PRKG1: variants seen among roughly 807,000 people sequenced by gnomAD.
PRKG1 encodes the protein cGMP-dependent protein kinase 1.
A neutral mutation model predicts 88.1 loss-of-function variants in PRKG1; 35 were observed. That is an observed-to-expected ratio of 0.40 (90% CI 0.30 to 0.53). The LOEUF (loss-of-function observed/expected upper bound fraction) is 0.53, where lower values mean the gene tolerates loss of function less well. Among genes scored for constraint, PRKG1 ranks in the 20% least tolerant of loss-of-function variants. The probability of loss-of-function intolerance (pLI) is 0.59; values close to 1 mark genes in which losing one functional copy is unlikely to be tolerated. For missense variants in PRKG1, 540 were observed against 839.8 expected (o/e 0.64, Z 4.41); for synonymous variants, 303 against 292.5 (o/e 1.04, Z -0.37).
At chr10:52,137,597 T>A (rs1178483415) in intron 8 of PRKG1, among the ~76,000 whole-genome samples, 1 of 152,160 alleles carries the variant, frequency 6.6e-6, no homozygotes, top group Non-Finnish European at 1.5e-5. Context: ...TATTTGCATA[T>A]AACCTATGCA....
chr10:51,384,806 C>T (rs974652719), intron 2 of PRKG1, among the ~76,000 whole-genome samples: 3 of 152,066 alleles, frequency 2.0e-5, no homozygotes, highest in Non-Finnish European at 2.9e-5. Context: ...TGGAATTCCC[C>T]GTAGCTCTTA....
intron 2 of PRKG1, among the ~76,000 whole-genome samples, chr10:51,399,603 TAAAATC>T (rs911442037): frequency 1.3e-5 from 2 of 152,008 alleles, no homozygotes; most frequent in African/African-American, 4.8e-5. Context: ...AGAAGAAAAA[TAAAATC>T]AAAACCAAAG....
chr10:51,855,103 A>G (rs1937707), intron 4 of PRKG1, among the ~76,000 whole-genome samples: 53,403 of 152,070 alleles, frequency 0.35, 9,793 homozygotes, highest in African/African-American at 0.42. Context: ...ATGTCGTAAA[A>G]GGTTATTATT....
At chr10:52,111,005 T>C (rs1294376644) in intron 7 of PRKG1, among the ~76,000 whole-genome samples, 3 of 152,198 alleles carry the variant, frequency 2.0e-5, no homozygotes, top group Non-Finnish European at 2.9e-5. Context: ...CCCAGAGATC[T>C]CCATTTAGAT....
intron 3 of PRKG1, among the ~76,000 whole-genome samples, chr10:51,567,160 A>C (rs1837628067): frequency 6.6e-6 from 1 of 152,064 alleles, no homozygotes; most frequent in South Asian, 2.1e-4. Context: ...TTTTCTTTGT[A>C]CTGACATTTG....
At chr10:51,034,915 A>G (rs912043763) in intron 1 of PRKG1, among the ~76,000 whole-genome samples, 2 of 151,876 alleles carry the variant, frequency 1.3e-5, no homozygotes, top group African/African-American at 4.8e-5. Context: ...GAGGCTTCAC[A>G]TGTCTCAGGC....
chr10:51,094,923 G>A (rs187436774), intron 1 of PRKG1, among the ~76,000 whole-genome samples: 142 of 152,240 alleles, frequency 9.3e-4, no homozygotes, highest in Middle Eastern at 3.4e-3. Context: ...GTCACTTGAA[G>A]CTTAGGGAAA....
At chr10:51,735,981 C>T (rs73345316) in intron 3 of PRKG1, among the ~76,000 whole-genome samples, 5,067 of 139,336 alleles carry the variant, frequency 0.036, 354 homozygotes, top group African/African-American at 0.13. Flanking sequence ...CAGCCTCGAC[C>T]TTCTGGGCTC....
chr10:52,115,138 G>A (rs1847656895), intron 7 of PRKG1, among the ~76,000 whole-genome samples: 1 of 152,010 alleles, frequency 6.6e-6, no homozygotes, highest in Non-Finnish European at 1.5e-5. Flanking sequence ...GAAGGATTTA[G>A]GGGTTTTTCT....
At chr10:51,670,741 A>AAAATAAATAAAT (rs554289419) in intron 3 of PRKG1, among the ~76,000 whole-genome samples, 2 of 94,580 alleles carry the variant, frequency 2.1e-5, no homozygotes, top group African/African-American at 3.9e-5. Context: ...GTCTCAAAAA[A>AAAATAAATAAAT]AAATAAATAA....
At chr10:51,869,103 A>G (rs1841090834) in intron 4 of PRKG1, among the ~76,000 whole-genome samples, 1 of 152,182 alleles carries the variant, frequency 6.6e-6, no homozygotes, top group African/African-American at 2.4e-5. Flanking sequence ...ATGACTTTCA[A>G]TCTATGAATA....
chr10:51,445,563 G>C (rs117346469), intron 2 of PRKG1, among the ~76,000 whole-genome samples: 3,771 of 148,772 alleles, frequency 0.025, 105 homozygotes, highest in Non-Finnish European at 0.041. Flanking sequence ...CAGTGAAGCA[G>C]ATTTAGTCAC....
chr10:52,219,962 TG>T (rs1840201697), intron 9 of PRKG1, among the ~76,000 whole-genome samples: 1 of 152,018 alleles, frequency 6.6e-6, no homozygotes, highest in African/African-American at 2.4e-5. Flanking sequence ...TTGAGGTTTC[TG>T]TGAACATCAT....
At chr10:51,293,638 G>A (rs10822619) in intron 2 of PRKG1, among the ~76,000 whole-genome samples, 1 of 151,910 alleles carries the variant, frequency 6.6e-6, no homozygotes, top group Non-Finnish European at 1.5e-5. Flanking sequence ...CAGACATTTA[G>A]ATTACTTCCA....
intron 4 of PRKG1, among the ~76,000 whole-genome samples, chr10:51,814,506 G>T (rs1839536737): frequency 1.3e-5 from 2 of 152,080 alleles, no homozygotes; most frequent in South Asian, 4.1e-4. Context: ...AGCTTTAATA[G>T]AGCTTTTCTA....
chr10:51,406,263 T>C (rs1190873370), intron 2 of PRKG1, among the ~76,000 whole-genome samples: 1 of 152,172 alleles, frequency 6.6e-6, no homozygotes, highest in Non-Finnish European at 1.5e-5. Flanking sequence ...TATACATCAT[T>C]CCTCCCCTCT....
chr10:51,712,471 G>T (rs926269244), intron 3 of PRKG1, among the ~76,000 whole-genome samples: 2 of 147,544 alleles, frequency 1.4e-5, no homozygotes, highest in African/African-American at 5.0e-5. Flanking sequence ...TTATTGTCAA[G>T]TTTTGATGCT....
chr10:51,367,559 T>C (rs778431135), intron 2 of PRKG1, among the ~76,000 whole-genome samples: 1 of 151,972 alleles, frequency 6.6e-6, no homozygotes, highest in Non-Finnish European at 1.5e-5. Flanking sequence ...TAGTGATAGA[T>C]ACTATGTTTT....
At chr10:52,233,210 G>C (rs1840571158) in intron 9 of PRKG1, among the ~76,000 whole-genome samples, 1 of 150,924 alleles carries the variant, frequency 6.6e-6, no homozygotes, top group African/African-American at 2.4e-5. Flanking sequence ...GAGAGAGAGA[G>C]AGTAGTGAGA....
Sources: allele counts gnomAD v4.1 joint callset (sites outside exome capture counted in the v4.1 genomes callset), GRCh38; gene constraint gnomAD v4.1.1; transcripts MANE v1.5; gene names NCBI Gene and HGNC (gene_info 2026-07-23, HGNC 2026-07-21).